PLEKHG5: variants seen among roughly 807,000 people sequenced by gnomAD.
PLEKHG5 encodes pleckstrin homology and RhoGEF domain containing G5.
In PLEKHG5, 52 loss-of-function variants were observed where a neutral mutation model predicts 103.8. That is an observed-to-expected ratio of 0.50 (90% CI 0.40 to 0.63). The LOEUF (loss-of-function observed/expected upper bound fraction) is 0.63. PLEKHG5 is among the 30% of genes least tolerant of loss of function. The pLI is 0.00. For synonymous variants in PLEKHG5, 592 were observed against 575.5 expected, an observed-to-expected ratio of 1.03 and a Z score of -0.41; for missense variants, 1,205 against 1,347.6, an observed-to-expected ratio of 0.89 and a Z score of 1.66.
exon 1 of PLEKHG5, chr1:6,519,740 GGTCC>G: frequency 1.6e-6 from 1 of 609,594 alleles, no homozygotes; most frequent in Non-Finnish European, 2.9e-6. Flanking sequence ...GTCCAACACA[GGTCC>G]CCTGGGCGCT....
chr1:6,514,677 C>T (rs559942834), intron 1 of PLEKHG5, among the ~76,000 whole-genome samples: 1 of 151,662 alleles, frequency 6.6e-6, no homozygotes, highest in South Asian at 2.1e-4. Flanking sequence ...ATGAGAATTG[C>T]TTGAACCCGG....
upstream of PLEKHG5, among the ~76,000 whole-genome samples, chr1:6,493,292 C>T (rs1645177939): frequency 6.6e-6 from 1 of 152,214 alleles, no homozygotes; most frequent in Admixed American, 6.5e-5. Flanking sequence ...AGGAGGGCAT[C>T]CCCTTTGTTC....
chr1:6,474,744 C>T (rs1644709500), intron 5 of PLEKHG5, 157 bp from the exon 6 acceptor site: 1 of 757,462 alleles, frequency 1.3e-6, no homozygotes, highest in Admixed American at 2.0e-5. Context: ...CGCAGGTCCA[C>T]AGACACCTGC....
upstream of PLEKHG5, chr1:6,497,473 C>T (rs1278202364): frequency 4.8e-6 from 1 of 209,848 alleles, no homozygotes; most frequent in Admixed American, 6.6e-5. The surrounding 1 kb of genome is among the most constrained non-coding windows in gnomAD (Gnocchi z 6.1). Flanking sequence ...GCGGCCCCGC[C>T]TCGGGGGCGG....
At position 6,487,392 on chromosome 1, in the gene PLEKHG5, C is replaced by G. The variant is rs1352429103; in HGVS notation, c.-88+4245G>C. ...TTGGCCTCCCAAAGTGCTGAGATTA[C>G]AGGCATGAGCCACCACACCCGGCCA... On this transcript the variant is annotated intron_variant, in intron 1 of 20. Coordinates refer to ENST00000377728, the MANE Select transcript of PLEKHG5 (RefSeq NM_020631.6). The surrounding 1 kb of genome is among the most constrained non-coding windows in gnomAD (Gnocchi z 4.1). 2.0e-5 allele frequency among the ~76,000 whole-genome samples: 3 copies of G among 152,234 alleles called. No homozygotes were observed. Among genetic ancestry groups the G allele is most frequent in the African/African-American group, 7.2e-5 (3 of 41,458 alleles).
At chr1:6,496,583 G>A (rs748737763), upstream of PLEKHG5, 13 of 1,541,488 alleles carry the variant, frequency 8.4e-6, no homozygotes, top group South Asian at 1.3e-4. Flanking sequence ...CAGGGGAGGA[G>A]CAGAGGGCAT....
At chr1:6,519,394 C>G (rs1240597701) in intron 1 of PLEKHG5, 1 of 1,406,476 alleles carries the variant, frequency 7.1e-7, no homozygotes. Flanking sequence ...TCCTTTCACT[C>G]TGTGTCCTCA....
intron 1 of PLEKHG5, among the ~76,000 whole-genome samples, chr1:6,518,223 C>T (rs1367769900): frequency 6.6e-6 from 1 of 151,504 alleles, no homozygotes; most frequent in African/African-American, 2.4e-5. Context: ...TGAGCCACTG[C>T]GCCCGGCCGT....
At chr1:6,504,326 C>T (rs1019197608) in intron 1 of PLEKHG5, among the ~76,000 whole-genome samples, 3 of 152,178 alleles carry the variant, frequency 2.0e-5, no homozygotes, top group African/African-American at 4.8e-5. Flanking sequence ...ATCCCCACTG[C>T]CTCCACCAGC....
chr1:6,483,681 A>G (rs1299473998), intron 1 of PLEKHG5, among the ~76,000 whole-genome samples: 1 of 152,148 alleles, frequency 6.6e-6, no homozygotes, highest in African/African-American at 2.4e-5. Flanking sequence ...AAATTTAAAA[A>G]CTACAGAGAC....
upstream of PLEKHG5, among the ~76,000 whole-genome samples, chr1:6,494,627 GC>G (rs1645197399): frequency 6.6e-6 from 1 of 152,126 alleles, no homozygotes; most frequent in Non-Finnish European, 1.5e-5. Context: ...AAATCTGAGT[GC>G]CCCGCACCTC....
At chr1:6,513,668 G>A (rs560386949) in intron 1 of PLEKHG5, among the ~76,000 whole-genome samples, 8 of 152,338 alleles carry the variant, frequency 5.3e-5, no homozygotes, top group East Asian at 3.9e-4. Flanking sequence ...CTCCTGGGCC[G>A]GGCTCCCAAC....
At chr1:6,471,276 C>T in intron 12 of PLEKHG5, 176 bp from the exon 13 acceptor site, 1 of 772,378 alleles carries the variant, frequency 1.3e-6, no homozygotes, top group South Asian at 1.6e-5. Flanking sequence ...AAAGTGACCA[C>T]CCGTGGCCAG....
intron 1 of PLEKHG5, chr1:6,485,337 T>C: frequency 4.9e-6 from 7 of 1,425,364 alleles, no homozygotes; most frequent in Non-Finnish European, 6.4e-6. Context: ...GCTATCACCG[T>C]CGCGGGCACG....
intron 1 of PLEKHG5, among the ~76,000 whole-genome samples, chr1:6,513,810 C>T (rs1428127433): frequency 6.6e-6 from 1 of 152,244 alleles, no homozygotes; most frequent in African/African-American, 2.4e-5. Context: ...GAGACCCAGG[C>T]TGCCTCGGAT....
At chr1:6,493,885 C>T (rs541643538), upstream of PLEKHG5, among the ~76,000 whole-genome samples, 1 of 152,194 alleles carries the variant, frequency 6.6e-6, no homozygotes, top group Admixed American at 6.6e-5. Flanking sequence ...GTCTCGAACT[C>T]CTGACCTCAA....
intron 1 of PLEKHG5, among the ~76,000 whole-genome samples, chr1:6,483,392 G>T (rs1644948087): frequency 6.6e-6 from 1 of 152,202 alleles, no homozygotes; most frequent in Admixed American, 6.5e-5. Flanking sequence ...TGAGGGTGAT[G>T]GGATTGATCC....
intron 2 of PLEKHG5, 35 bp downstream of exon 2, chr1:6,477,494 C>G: frequency 6.2e-7 from 1 of 1,605,636 alleles, no homozygotes; most frequent in South Asian, 1.1e-5. Context: ...CACAGGAGCT[C>G]TGGGGGCCGA....
chr1:6,483,500 C>CA (rs1299776304), intron 1 of PLEKHG5, among the ~76,000 whole-genome samples: 2 of 152,124 alleles, frequency 1.3e-5, no homozygotes, highest in African/African-American at 2.4e-5. Flanking sequence ...CCTGCCTCTA[C>CA]AAAAAACAAA....
Sources: gnomAD v4.1 joint callset for allele counts (sites outside exome capture counted in the v4.1 genomes callset) on GRCh38, gnomAD v4.1.1 for gene constraint, Gnocchi (gnomAD v3.1) non-coding constraint, MANE v1.5 for transcripts, NCBI Gene and HGNC (gene_info 2026-07-23, HGNC 2026-07-21) for gene names.